Variants in SETX observed in about 807,000 individuals in gnomAD.
The protein encoded by SETX is senataxin, also known as helicase senataxin.
A neutral mutation model predicts 227.2 loss-of-function variants in SETX; 90 were observed. The ratio of observed to expected loss-of-function variants is 0.40; its 90% confidence interval spans 0.33 to 0.47. The LOEUF (loss-of-function observed/expected upper bound fraction) is 0.47, where lower values mean the gene tolerates loss of function less well. SETX is among the 20% of genes least tolerant of loss of function. The pLI is 0.91. For synonymous variants in SETX, 1,210 were observed against 1,113.2 expected, an observed-to-expected ratio of 1.09 and a Z score of -1.73; for missense variants, 3,052 against 3,181.5, an observed-to-expected ratio of 0.96 and a Z score of 0.98.
At chr9:132,323,439 T>C (rs970639392) in intron 10 of SETX, among the ~76,000 whole-genome samples, 9 of 151,888 alleles carry the variant, frequency 5.9e-5, no homozygotes, top group African/African-American at 2.2e-4. Flanking sequence ...ATAGTCAAAA[T>C]AACAAAAATG....
intron 15 of SETX, among the ~76,000 whole-genome samples, chr9:132,293,311 C>T (rs1010498336): frequency 2.6e-5 from 4 of 151,970 alleles, no homozygotes; most frequent in South Asian, 4.2e-4. Flanking sequence ...AATGGAGAGA[C>T]GTTCAAGTCA....
intron 11 of SETX, among the ~76,000 whole-genome samples, chr9:132,306,502 G>A (rs779645320): frequency 1.6e-4 from 24 of 152,100 alleles, no homozygotes; most frequent in Non-Finnish European, 1.6e-4. Flanking sequence ...GTGAGCCACT[G>A]TGCCCAGCCG....
chr9:132,327,373 T>C lies in SETX; in HGVS notation c.4225A>G (p.Asn1409Asp), dbSNP rs373375060. Residue 1409 changes from asparagine to aspartate, a missense_variant, in exon 10 of 26, where the codon AAC becomes GAC. Around this residue, in one of 10 missense-constraint regions of SETX, gnomAD observed 1,483 missense variants for 1,312.0 expected, o/e 1.13. Transcript: ENST00000224140. The stretch of plus-strand genomic sequence containing the variant: ...ATGCATTTTATTAACTGTTTTCTGT[T>C]ACTGTTGGCAAGTACCTCAGTTCCT... ...TGGTEVLANS[N>D]RKQLIKCMPS... 4 of 1,614,256 alleles carry C rather than the reference T, an allele frequency of 2.5e-6. No homozygotes were observed. Among genetic ancestry groups the C allele is most frequent in the Non-Finnish European group, 3.4e-6 (4 of 1,180,040 alleles).
intron 22 of SETX, among the ~76,000 whole-genome samples, chr9:132,276,136 G>A (rs1403373748): frequency 6.6e-6 from 1 of 152,048 alleles, no homozygotes; most frequent in Non-Finnish European, 1.5e-5. Flanking sequence ...TACCTTACCC[G>A]CCTTGCTTTA....
chr9:132,346,350 T>C lies in SETX; in HGVS notation c.299A>G (p.Asp100Gly), dbSNP rs1365774411. The C allele has an allele frequency of 6.2e-7, 1 of 1,613,718 alleles. No homozygotes were observed. Among genetic ancestry groups the C allele is most frequent in the East Asian group, 2.2e-5 (1 of 44,852 alleles). ...VDNNGEMPLF[D>G]ITGQDFENKL... Reference sequence around the variant, plus strand: ...ATTTTCAAAGTCTTGCCCAGTGATGTCAAACAGTGGCATCTCTCCATTATT... The same window carrying C: ...ATTTTCAAAGTCTTGCCCAGTGATGCCAAACAGTGGCATCTCTCCATTATT... Residue 100 changes from aspartate (D) to glycine (G), a missense_variant, in exon 4 of 26, where the codon GAC becomes GGC. By Grantham distance (94) the Asp-to-Gly change is moderately conservative. This residue lies in a region of SETX where 152 missense variants were observed against 156.2 expected (regional missense o/e 0.97). Coordinates refer to ENST00000224140, the MANE Select transcript of SETX (RefSeq NM_015046.7).
chr9:132,316,534 T>G (rs1008293741), intron 10 of SETX, among the ~76,000 whole-genome samples: 1 of 152,240 alleles, frequency 6.6e-6, no homozygotes, highest in Admixed American at 6.5e-5. Flanking sequence ...TAAACTGACA[T>G]TTTGATATTT....
rs764910402 is a variant in SETX, at chr9:132,300,591, T to C, written c.5548+39A>G. On this transcript the variant is annotated intron_variant, in intron 12 of 25. Transcript: ENST00000224140. Reference sequence around the variant, plus strand: ...AGAAGTAGATTATTAGATGAGACTGTATCTGACATTTCCTGTCAATGCCTC... The same window carrying C: ...AGAAGTAGATTATTAGATGAGACTGCATCTGACATTTCCTGTCAATGCCTC... 23 of 1,592,298 alleles carry C rather than the reference T, an allele frequency of 1.4e-5. No individual in the cohort carries two copies. The South Asian group carries it at 2.0e-4, about 14-fold the overall frequency.
intron 19 of SETX, chr9:132,282,998 C>G: frequency 2.0e-6 from 1 of 490,776 alleles, no homozygotes; most frequent in Non-Finnish European, 3.7e-6. Flanking sequence ...ATATTCTAAG[C>G]AGGAGTGAGA....
chr9:132,332,597 A>C (rs898929143), intron 7 of SETX, among the ~76,000 whole-genome samples: 2 of 152,214 alleles, frequency 1.3e-5, no homozygotes, highest in African/African-American at 4.8e-5. Context: ...GAAGACAATT[A>C]TGAAAAGTTT....
intron 15 of SETX, among the ~76,000 whole-genome samples, chr9:132,292,415 C>CAAAAAAAAAA (rs60253119): frequency 3.6e-4 from 22 of 61,044 alleles, no homozygotes; most frequent in African/African-American, 5.9e-4. Flanking sequence ...AGCTGGGGTA[C>CAAAAAAAAAA]AAAAAAAAAA....
At chr9:132,355,047 C>T (rs578185514), upstream of SETX, 5 of 152,032 alleles carry the variant, frequency 3.3e-5, no homozygotes, top group African/African-American at 7.2e-5. Flanking sequence ...CGCCCCCGCG[C>T]TGAGTCGGCC....
chr9:132,281,340 CT>C, intron 20 of SETX, 126 bp downstream of exon 20: 2 of 695,062 alleles, frequency 2.9e-6, no homozygotes, highest in Non-Finnish European at 5.1e-6. Flanking sequence ...CTTCTCTTTT[CT>C]TAGTTACTGC....
At position 132,310,564 on chromosome 9, in the gene SETX, G is replaced by C. The variant is rs7872840; in HGVS notation, c.5374+1193C>G. Among the ~76,000 whole-genome samples, 1,395 of 152,280 alleles carry C rather than the reference G, an allele frequency of 9.2e-3. 31 individuals are homozygous for C. The highest frequency in any genetic ancestry group is 0.032 in the African/African-American group (1,317 of 41,560). ...CCCTTGGCTGGTATCTAGGAACTTA[G>C]ATTTTAGGACAGTTCTCATCATTCC... On this transcript the variant is annotated intron_variant, in intron 11 of 25. Coordinates refer to ENST00000224140, the MANE Select transcript of SETX (RefSeq NM_015046.7).
At chr9:132,270,126 G>C (rs908267186) in intron 24 of SETX, among the ~76,000 whole-genome samples, 1 of 95,020 alleles carries the variant, frequency 1.1e-5, no homozygotes, top group African/African-American at 4.7e-5. Context: ...GCCCGTGTGA[G>C]ACACAGGTGG....
At chr9:132,336,946 G>C (rs758366069) in intron 5 of SETX, among the ~76,000 whole-genome samples, 63 of 151,950 alleles carry the variant, frequency 4.1e-4, no homozygotes, top group Non-Finnish European at 7.9e-4. Context: ...CACTCCTGTA[G>C]TCCCAGCTAC....
rs1168102330 is a variant in SETX at position 132,343,426 on chromosome 9, C to G, written c.389-627G>C. Among the ~76,000 whole-genome samples, 3 of 152,250 alleles carry G rather than the reference C, an allele frequency of 2.0e-5. No individual in the cohort carries two copies. The East Asian group carries it at 5.8e-4, about 29-fold the overall frequency. On this transcript the variant is annotated intron_variant, in intron 4 of 25. Transcript: ENST00000224140. ...TAACCATATGGTTATAGGTCCAACT[C>G]CATTTGTATCTTATGTTTTGATCCA...
rs761482581 is a variant in SETX at position 132,329,292 on chromosome 9, T to C, written c.2306A>G (p.Asp769Gly). 6.2e-7 allele frequency: 1 copy of C among 1,613,898 alleles called. No individual in the cohort carries two copies. Among genetic ancestry groups the C allele is most frequent in the South Asian group, 1.1e-5 (1 of 91,028 alleles). The change falls in exon 10 of 26, where the codon GAT becomes GGT. Residue 769 changes from aspartate (D) to glycine (G), a missense_variant. Physicochemically the swap from Asp to Gly is moderately conservative, Grantham distance 94. Coordinates refer to ENST00000224140, the MANE Select transcript of SETX (RefSeq NM_015046.7). ...STSNEDFSLK[D>G]DALAKTSKRK... ...TTTTGAGGTTTTAGCAAGAGCATCATCCTTTAAAGAGAAATCTTCATTCGA... is the reference window on the plus strand; with the variant it reads ...TTTTGAGGTTTTAGCAAGAGCATCACCCTTTAAAGAGAAATCTTCATTCGA...
intron 20 of SETX, among the ~76,000 whole-genome samples, chr9:132,279,983 G>A (rs1020266141): frequency 6.6e-6 from 1 of 152,092 alleles, no homozygotes; most frequent in Non-Finnish European, 1.5e-5. Flanking sequence ...TTTAGTAACT[G>A]ACTCACTGTT....
At chr9:132,322,958 G>C (rs1451931487) in intron 10 of SETX, among the ~76,000 whole-genome samples, 2 of 152,088 alleles carry the variant, frequency 1.3e-5, no homozygotes, top group South Asian at 2.1e-4. Flanking sequence ...ACGGACTTAG[G>C]AGAAAAGTTG....
Sources: allele counts gnomAD v4.1 joint callset (sites outside exome capture counted in the v4.1 genomes callset), GRCh38; gene constraint gnomAD v4.1.1; regional missense constraint gnomAD v4.1.1; transcripts MANE v1.5; gene names NCBI Gene and HGNC (gene_info 2026-07-23, HGNC 2026-07-21).